TMCC1: variants seen among roughly 807,000 people sequenced by gnomAD.
TMCC1 encodes the protein transmembrane and coiled-coil domain family 1, also known as transmembrane and coiled-coil domains protein 1.
Under a neutral mutation model 52.4 loss-of-function variants are expected in TMCC1, and 15 were observed. The ratio of observed to expected loss-of-function variants is 0.29; its 90% CI spans 0.19 to 0.44. TMCC1 has a LOEUF of 0.44. Among genes scored for constraint, TMCC1 ranks in the 20% least tolerant of loss-of-function variants. The pLI, the probability that TMCC1 is intolerant of heterozygous loss-of-function variation, is 1.00. For synonymous variants in TMCC1, 279 were observed against 301.9 expected, an observed-to-expected ratio of 0.92 and a Z score of 0.79; for missense variants, 503 against 806.0, an observed-to-expected ratio of 0.62 and a Z score of 4.55.
intron 4 of TMCC1, among the ~76,000 whole-genome samples, chr3:129,708,361 A>G (rs796384071): frequency 6.6e-6 from 1 of 152,190 alleles, no homozygotes; most frequent in Non-Finnish European, 1.5e-5. Context: ...ATGTAACAAG[A>G]GCTTTGTCTG....
intron 4 of TMCC1, among the ~76,000 whole-genome samples, chr3:129,752,876 G>A (rs1048005182): frequency 2.0e-5 from 3 of 152,106 alleles, no homozygotes; most frequent in Non-Finnish European, 2.9e-5. Context: ...TGGCTGGGGA[G>A]GCCTTAGAAA....
rs532758343 is a variant in TMCC1 at position 129,876,441 on chromosome 3, A to G, written c.-184+3868T>C. 1.1e-4 allele frequency among the ~76,000 whole-genome samples: 17 copies of G among 152,160 alleles called. 1 individual carries two copies. In the South Asian group the frequency reaches 2.1e-3, roughly 19 times the overall value. ...CAATTAGCTCCTAGCCAATCCTTACATTTTTTCTTTTTCATAATAATTGCT... is the reference window on the plus strand; with the variant it reads ...CAATTAGCTCCTAGCCAATCCTTACGTTTTTTCTTTTTCATAATAATTGCT... On this transcript the variant is annotated intron_variant, in intron 2 of 6. Coordinates refer to ENST00000393238, the MANE Select transcript of TMCC1 (RefSeq NM_001017395.5).
At chr3:129,720,201 A>AAAAAAAAAAAAAAAAG (rs1560263938) in intron 4 of TMCC1, among the ~76,000 whole-genome samples, 1 of 151,198 alleles carries the variant, frequency 6.6e-6, no homozygotes, top group African/African-American at 2.4e-5. Flanking sequence ...AAAAAAAAAA[A>AAAAAAAAAAAAAAAAG]AGAGATGGAA....
chr3:129,807,473 TAAGGCTGC>T (rs2057532479), intron 4 of TMCC1, among the ~76,000 whole-genome samples: 1 of 152,224 alleles, frequency 6.6e-6, no homozygotes, highest in African/African-American at 2.4e-5. Flanking sequence ...GAAAGACTCC[TAAGGCTGC>T]ATAGTACTGA....
intron 4 of TMCC1, among the ~76,000 whole-genome samples, chr3:129,740,640 G>GCC (rs1303434131): frequency 6.6e-6 from 1 of 152,064 alleles, no homozygotes; most frequent in Non-Finnish European, 1.5e-5. Context: ...GTAACCACAG[G>GCC]CCCTTTATCG....
intron 4 of TMCC1, among the ~76,000 whole-genome samples, chr3:129,711,107 G>A (rs1226464170): frequency 6.6e-6 from 1 of 152,134 alleles, no homozygotes; most frequent in South Asian, 2.1e-4. Flanking sequence ...CAGGTGATCC[G>A]CCCGCCTCAG....
intron 4 of TMCC1, among the ~76,000 whole-genome samples, chr3:129,743,649 C>T (rs2051661061): frequency 6.6e-6 from 1 of 152,190 alleles, no homozygotes; most frequent in Admixed American, 6.5e-5. Context: ...ACCATGGATT[C>T]TTTTGGATTA....
intron 4 of TMCC1, chr3:129,794,358 A>G (rs1177129807): frequency 4.4e-6 from 2 of 456,252 alleles, no homozygotes; most frequent in Non-Finnish European, 4.4e-6. Flanking sequence ...AAAGCGCTGA[A>G]CCATGATCAC....
chr3:129,863,379 AG>A (rs1235245917), intron 2 of TMCC1, among the ~76,000 whole-genome samples: 3 of 152,194 alleles, frequency 2.0e-5, no homozygotes, highest in African/African-American at 7.2e-5. Flanking sequence ...GGAGAAGTAA[AG>A]CAGTTTGCCT....
At chr3:129,686,071 T>A (rs1487072367) in intron 4 of TMCC1, among the ~76,000 whole-genome samples, 1 of 152,210 alleles carries the variant, frequency 6.6e-6, no homozygotes, top group Non-Finnish European at 1.5e-5. Context: ...GGACCACTCA[T>A]CCTGATTGAT....
At chr3:129,861,211 C>A (rs564156680) in intron 2 of TMCC1, among the ~76,000 whole-genome samples, 1 of 152,130 alleles carries the variant, frequency 6.6e-6, no homozygotes, top group East Asian at 1.9e-4. Context: ...GAGGCCGAGG[C>A]GGGCGGATCA....
At chr3:129,831,719 G>A (rs1189121815) in intron 3 of TMCC1, among the ~76,000 whole-genome samples, 3 of 152,296 alleles carry the variant, frequency 2.0e-5, no homozygotes, top group East Asian at 3.9e-4. Flanking sequence ...TAAAATTGCT[G>A]ACAGTAAGAA....
intron 4 of TMCC1, among the ~76,000 whole-genome samples, chr3:129,693,390 T>C (rs994571658): frequency 4.6e-5 from 7 of 152,184 alleles, no homozygotes; most frequent in African/African-American, 1.7e-4. Flanking sequence ...CCTTATCTTT[T>C]ATTCTCATTT....
intron 4 of TMCC1, among the ~76,000 whole-genome samples, chr3:129,821,047 A>G (rs969247504): frequency 1.3e-5 from 2 of 152,226 alleles, no homozygotes; most frequent in Non-Finnish European, 2.9e-5. Context: ...TTTAACTAAG[A>G]CCAACTGTTC....
intron 4 of TMCC1, among the ~76,000 whole-genome samples, chr3:129,713,138 T>C (rs2048828485): frequency 6.6e-6 from 1 of 152,156 alleles, no homozygotes; most frequent in African/African-American, 2.4e-5. Flanking sequence ...GGTGCACACC[T>C]GCAGTCCCAG....
At chr3:129,811,805 G>A (rs761077158) in intron 4 of TMCC1, among the ~76,000 whole-genome samples, 4 of 151,846 alleles carry the variant, frequency 2.6e-5, no homozygotes, top group East Asian at 2.0e-4. Flanking sequence ...TTAGCTGGGC[G>A]TGGTGGCATG....
At chr3:129,878,610 C>T (rs1464414609) in intron 2 of TMCC1, among the ~76,000 whole-genome samples, 1 of 152,158 alleles carries the variant, frequency 6.6e-6, no homozygotes, top group African/African-American at 2.4e-5. Context: ...CCCAATCCAC[C>T]ACTATCTACT....
intron 4 of TMCC1, among the ~76,000 whole-genome samples, chr3:129,812,749 G>A (rs2107797995): frequency 1.3e-5 from 2 of 152,154 alleles, no homozygotes; most frequent in South Asian, 4.1e-4. Context: ...AATACCATCT[G>A]GACATAGGAC....
At chr3:129,716,329 ATTTT>A (rs71155569) in intron 4 of TMCC1, among the ~76,000 whole-genome samples, 2 of 73,642 alleles carry the variant, frequency 2.7e-5, no homozygotes. Context: ...CACCTGGCAA[ATTTT>A]TTTTTTTTTT....
Sources: gnomAD v4.1 joint callset for allele counts (sites outside exome capture counted in the v4.1 genomes callset) on GRCh38, gnomAD v4.1.1 for gene constraint, MANE v1.5 for transcripts, NCBI Gene and HGNC (gene_info 2026-07-23, HGNC 2026-07-21) for gene names.